The following CFAP206 variants were observed in gnomAD, a reference collection of about 807,000 sequenced individuals.
CFAP206 encodes cilia- and flagella-associated protein 206.
A neutral mutation model predicts 65.4 loss-of-function variants in CFAP206; 53 were observed. That is an observed-to-expected ratio of 0.81 (90% confidence interval 0.65 to 1.02). CFAP206 has a LOEUF of 1.02. Ranked by LOEUF, CFAP206 falls within the 50% of genes least tolerant of loss-of-function variation. The pLI is 0.00. For missense variants in CFAP206, 663 were observed against 753.2 expected (o/e 0.88, Z 1.40); for synonymous variants, 250 against 254.4 (o/e 0.98, Z 0.17).
intron 9 of CFAP206, among the ~76,000 whole-genome samples, chr6:87,430,327 A>G (rs6922450): frequency 0.35 from 52,535 of 152,104 alleles, 10,025 homozygotes; most frequent in African/African-American, 0.51. Flanking sequence ...AAGAAACTTC[A>G]GGAACAATGT....
In CFAP206 at chr6:87,454,867, AAAC is replaced by A. The variant is rs1032860999; in HGVS notation, c.1495-6149_1495-6147del. 5.9e-4 allele frequency among the ~76,000 whole-genome samples: 88 copies of A among 150,250 alleles called. 1 individual carries two copies. The highest frequency in any genetic ancestry group is 2.1e-3 in the African/African-American group (87 of 41,098). ...CTCAAAAAAAAAAAAAAACAAAACA[AAAC>A]AACAAAAAACCCTAAAAATCAATAA... On this transcript the variant is annotated intron_variant, in intron 11 of 12. Coordinates refer to ENST00000369562, the MANE Select transcript of CFAP206 (RefSeq NM_001031743.3).
In CFAP206 at chr6:87,411,395, G is replaced by A. The variant is rs1020586983; in HGVS notation, c.192+727G>A. 7.2e-5 allele frequency among the ~76,000 whole-genome samples: 11 copies of A among 151,954 alleles called. 1 individual carries two copies. The highest frequency in any genetic ancestry group is 2.7e-4 in the African/African-American group (11 of 41,354). On this transcript the variant is annotated intron_variant, in intron 3 of 12. Coordinates refer to ENST00000369562, the MANE Select transcript of CFAP206 (RefSeq NM_001031743.3). ...TATAATGGGGTTATTTGTTGTTGTC[G>A]AGTTGTTTGAGTTCCTCGTAGATCC... is the stretch of plus-strand genomic sequence containing the variant.
At chr6:87,420,915 T>A (rs1767930244) in intron 7 of CFAP206, among the ~76,000 whole-genome samples, 1 of 152,222 alleles carries the variant, frequency 6.6e-6, no homozygotes, top group Admixed American at 6.5e-5. Context: ...CAGTCTTTTT[T>A]GTTTTGTTTT....
At chr6:87,418,464 T>C (rs769140020) in intron 7 of CFAP206, 48 bp downstream of exon 7, 19 of 1,496,084 alleles carry the variant, frequency 1.3e-5, no homozygotes, top group Non-Finnish European at 1.1e-5. Flanking sequence ...ATGCAATCTC[T>C]TTATATAAGG....
chr6:87,435,242 A>G (rs1768238879), intron 11 of CFAP206, 189 bp downstream of exon 11: 6 of 436,360 alleles, frequency 1.4e-5, no homozygotes, highest in Non-Finnish European at 2.5e-5. Flanking sequence ...TGAAAACAGG[A>G]TATGGAGTCA....
At chr6:87,418,469 A>G in intron 7 of CFAP206, 53 bp downstream of exon 7, 3 of 1,466,288 alleles carry the variant, frequency 2.0e-6, no homozygotes, top group South Asian at 1.1e-5. Flanking sequence ...ATCTCTTTAT[A>G]TAAGGCCACA....
chr6:87,422,171 G>A (rs34726630), intron 7 of CFAP206, among the ~76,000 whole-genome samples: 4,693 of 152,190 alleles, frequency 0.031, 86 homozygotes, highest in Middle Eastern at 0.068. Context: ...TAGATGGGCC[G>A]GGCGTGGTGG....
intron 11 of CFAP206, among the ~76,000 whole-genome samples, chr6:87,449,263 C>T (rs867396299): frequency 2.0e-5 from 3 of 151,706 alleles, no homozygotes; most frequent in Non-Finnish European, 4.4e-5. Context: ...GGTGAAACCC[C>T]GTCTCTACTA....
At chr6:87,410,784 T>C in intron 3 of CFAP206, 116 bp downstream of exon 3, 2 of 774,854 alleles carry the variant, frequency 2.6e-6, no homozygotes, top group Non-Finnish European at 4.3e-6. Context: ...AAAATAGTAG[T>C]ATACACGAGA....
intron 12 of CFAP206, among the ~76,000 whole-genome samples, chr6:87,463,544 G>A (rs1369291420): frequency 2.0e-5 from 3 of 152,124 alleles, no homozygotes; most frequent in Admixed American, 2.0e-4. Flanking sequence ...TATAAAGGGA[G>A]TAAGCAAAAT....
intron 7 of CFAP206, among the ~76,000 whole-genome samples, chr6:87,422,750 C>CAA (rs566372814): frequency 4.3e-4 from 44 of 102,142 alleles, no homozygotes; most frequent in African/African-American, 1.4e-3. Context: ...GACTCTGTCT[C>CAA]AAAAAAAAAA....
intron 9 of CFAP206, 46 bp downstream of exon 9, chr6:87,428,870 C>T: frequency 6.6e-7 from 1 of 1,512,476 alleles, no homozygotes; most frequent in Non-Finnish European, 9.2e-7. Context: ...AAAATTACCT[C>T]TAGAATAAAG....
At chr6:87,427,700 G>T (rs1435501856) in intron 8 of CFAP206, among the ~76,000 whole-genome samples, 11 of 152,212 alleles carry the variant, frequency 7.2e-5, no homozygotes, top group African/African-American at 2.2e-4. Flanking sequence ...CTTTTGCAAT[G>T]ATTTGGCCAG....
intron 11 of CFAP206, chr6:87,436,183 T>A (rs988369801): frequency 6.7e-6 from 1 of 150,346 alleles, no homozygotes; most frequent in Non-Finnish European, 1.5e-5. Flanking sequence ...CCTCCCAGGT[T>A]CAAGCAATTC....
At position 87,464,415 on chromosome 6, in the gene CFAP206, C is replaced by A; in HGVS notation, c.*165C>A. The stretch of plus-strand genomic sequence containing the variant: ...TTTTATCAAACTGTTTTCTGTAACA[C>A]ATTTTTCATTCTGTTGAAATTGAAA... On this transcript the variant is annotated 3_prime_UTR_variant, in exon 13 of 13. Transcript: ENST00000369562. The A allele has an allele frequency of 2.2e-6, 1 of 456,330 alleles. No individual in the cohort carries two copies. Among genetic ancestry groups the A allele is most frequent in the Non-Finnish European group, 3.8e-6 (1 of 263,080 alleles). The allele number at this position is 456,330 out of a possible 1,614,324, so 28.3% of individuals were successfully genotyped here.
At chr6:87,457,149 C>CAAAAAAAAAAA (rs56842848) in intron 11 of CFAP206, among the ~76,000 whole-genome samples, 1 of 115,916 alleles carries the variant, frequency 8.6e-6, no homozygotes, top group Non-Finnish European at 1.8e-5. Context: ...GACAACCTCT[C>CAAAAAAAAAAA]AAAAAAAAAA....
intron 11 of CFAP206, among the ~76,000 whole-genome samples, chr6:87,442,648 G>T (rs1019373036): frequency 3.3e-5 from 5 of 151,990 alleles, no homozygotes; most frequent in Non-Finnish European, 7.4e-5. Context: ...TAGGTTAAGG[G>T]TTTCCTCTCT....
chr6:87,428,490 TG>T, intron 8 of CFAP206, 135 bp from the exon 9 acceptor site: 1 of 703,316 alleles, frequency 1.4e-6, no homozygotes, highest in Non-Finnish European at 2.4e-6. Context: ...TAAAGTCTAC[TG>T]TCTAAGTTCG....
chr6:87,437,046 C>G (rs1177668720), intron 11 of CFAP206, among the ~76,000 whole-genome samples: 1 of 152,158 alleles, frequency 6.6e-6, no homozygotes, highest in Non-Finnish European at 1.5e-5. Context: ...TATCAGCTCA[C>G]TGCAACCTCC....
Sources: gnomAD v4.1 joint callset for allele counts (sites outside exome capture counted in the v4.1 genomes callset) on GRCh38, gnomAD v4.1.1 for gene constraint, MANE v1.5 for transcripts, NCBI Gene and HGNC (gene_info 2026-07-23, HGNC 2026-07-21) for gene names.